Variants in CDH13 observed in about 807,000 individuals in gnomAD.
CDH13 encodes cadherin 13.
CDH13 carries 24 observed loss-of-function variants against 63.8 expected under a neutral mutation model. That is an observed-to-expected ratio of 0.38 (90% CI 0.27 to 0.53). The LOEUF is 0.53. Among genes scored for constraint, CDH13 ranks in the 20% least tolerant of loss-of-function variants. The pLI is 0.85. For missense variants in CDH13, 1,049 were observed against 903.1 expected (o/e 1.16, Z -2.07); for synonymous variants, 503 against 355.3 (o/e 1.42, Z -4.67).
At chr16:83,171,213 G>T (rs2037902558) in intron 4 of CDH13, among the ~76,000 whole-genome samples, 1 of 152,072 alleles carries the variant, frequency 6.6e-6, no homozygotes, top group African/African-American at 2.4e-5. Context: ...GCAGAACATG[G>T]CAGAAAAGGG....
chr16:83,661,048 C>CT lies in CDH13; in HGVS notation c.1102-9728dup, dbSNP rs5818462. 7.5e-3 allele frequency among the ~76,000 whole-genome samples: 1,085 copies of CT among 144,042 alleles called. 6 individuals are homozygous for CT. Among genetic ancestry groups the CT allele is most frequent in the South Asian group, 0.024 (107 of 4,534 alleles). 94.5% of individuals were successfully genotyped at this position (144,042 alleles called of 152,430 possible). A position where few individuals can be genotyped will look rare whatever the true frequency, so the allele number is the denominator to read the frequency against. On this transcript the variant is annotated intron_variant, in intron 8 of 13. Coordinates refer to ENST00000567109, the MANE Select transcript of CDH13 (RefSeq NM_001257.5). ...TTTCAAACTCTCTTTAGCAGCAAAA[C>CT]TTTTTTTTTTTTTTCAAACAAAATC...
At chr16:83,455,006 A>G (rs2072984110) in intron 6 of CDH13, among the ~76,000 whole-genome samples, 1 of 152,204 alleles carries the variant, frequency 6.6e-6, no homozygotes, top group African/African-American at 2.4e-5. Flanking sequence ...CACCATGCCC[A>G]GCTCTCTATT....
chr16:83,441,270 A>T (rs2072472607), intron 6 of CDH13, among the ~76,000 whole-genome samples: 1 of 152,180 alleles, frequency 6.6e-6, no homozygotes, highest in Non-Finnish European at 1.5e-5. Context: ...TCTGGTAATG[A>T]AATAATAAGA....
intron 6 of CDH13, among the ~76,000 whole-genome samples, chr16:83,377,121 T>A (rs1473737799): frequency 6.6e-6 from 1 of 152,044 alleles, no homozygotes. Flanking sequence ...CCCAGCTGAG[T>A]CCTTCCTGAA....
intron 3 of CDH13, among the ~76,000 whole-genome samples, chr16:83,120,888 C>T (rs550694986): frequency 9.2e-5 from 14 of 151,734 alleles, no homozygotes; most frequent in South Asian, 8.4e-4. Context: ...CTCATCCTCC[C>T]GAGTAGCTGG....
intron 5 of CDH13, among the ~76,000 whole-genome samples, chr16:83,282,743 G>T (rs138535859): frequency 1.3e-5 from 2 of 152,282 alleles, no homozygotes; most frequent in African/African-American, 4.8e-5. Context: ...TTCCTTTCCA[G>T]CAAACCTGGA....
At chr16:83,248,567 C>G (rs1004860168) in intron 5 of CDH13, among the ~76,000 whole-genome samples, 1 of 152,146 alleles carries the variant, frequency 6.6e-6, no homozygotes, top group Non-Finnish European at 1.5e-5. Context: ...TAGTACATCT[C>G]TTTTCTCTTG....
chr16:83,449,196 A>G (rs1290502704), intron 6 of CDH13, among the ~76,000 whole-genome samples: 1 of 152,194 alleles, frequency 6.6e-6, no homozygotes, highest in Non-Finnish European at 1.5e-5. Flanking sequence ...ATAATGATCT[A>G]TGATATGTCT....
intron 5 of CDH13, among the ~76,000 whole-genome samples, chr16:83,224,481 C>G (rs1475761063): frequency 6.6e-6 from 1 of 152,232 alleles, no homozygotes. Context: ...TGTTCTCAAA[C>G]CTGTGATCTT....
intron 2 of CDH13, among the ~76,000 whole-genome samples, chr16:83,008,946 G>T (rs367748603): frequency 1.4e-3 from 212 of 152,286 alleles, no homozygotes; most frequent in African/African-American, 4.7e-3. Flanking sequence ...TTCACTTGGT[G>T]GCAGGAGGAA....
At chr16:82,657,260 G>A (rs1911407042) in intron 1 of CDH13, among the ~76,000 whole-genome samples, 1 of 152,028 alleles carries the variant, frequency 6.6e-6, no homozygotes. Flanking sequence ...CCATAAAATG[G>A]AACAATTATG....
chr16:82,671,629 C>G (rs1034990459), intron 1 of CDH13, among the ~76,000 whole-genome samples: 1 of 152,158 alleles, frequency 6.6e-6, no homozygotes, highest in Non-Finnish European at 1.5e-5. Flanking sequence ...AGAGCATAGG[C>G]CACCCCAGTC....
chr16:82,824,856 G>C (rs1282062333), intron 1 of CDH13: 1 of 152,208 alleles, frequency 6.6e-6, no homozygotes, highest in Non-Finnish European at 1.5e-5. Context: ...ACAAAGACTA[G>C]ATGTTTGCTG....
chr16:83,381,872 A>C (rs562449300), intron 6 of CDH13, among the ~76,000 whole-genome samples: 8 of 152,176 alleles, frequency 5.3e-5, no homozygotes, highest in Non-Finnish European at 1.0e-4. Context: ...TGAATTCACA[A>C]GTATAAAATC....
intron 6 of CDH13, among the ~76,000 whole-genome samples, chr16:83,366,157 T>C (rs1053461596): frequency 6.6e-6 from 1 of 152,202 alleles, no homozygotes; most frequent in Non-Finnish European, 1.5e-5. Context: ...AGGGATTTTT[T>C]TAAAAAAGCA....
chr16:82,827,464 T>G (rs1378350063), intron 1 of CDH13, among the ~76,000 whole-genome samples: 1 of 152,152 alleles, frequency 6.6e-6, no homozygotes, highest in Non-Finnish European at 1.5e-5. Flanking sequence ...GAGGCTGTGA[T>G]GCATTTCATG....
At chr16:83,691,481 C>G (rs1904876491) in intron 10 of CDH13, among the ~76,000 whole-genome samples, 1 of 152,122 alleles carries the variant, frequency 6.6e-6, no homozygotes. Flanking sequence ...TGCTGTTTCA[C>G]ATGAGGCACT....
rs113109552 is a variant in CDH13, at chr16:83,408,617, C to G, written c.781+63611C>G. On this transcript the variant is annotated intron_variant, in intron 6 of 13. Transcript: ENST00000567109. ...GCTCGATTATAATCTAATGAGACAA[C>G]TTTCCTATATGTGGCCCATCATTGA... Among the ~76,000 whole-genome samples, 117 of 152,294 alleles carry G rather than the reference C, an allele frequency of 7.7e-4. 1 individual carries two copies. The highest frequency in any genetic ancestry group is 2.5e-3 in the African/African-American group (104 of 41,556).
At chr16:82,846,829 T>C (rs1206870234) in intron 1 of CDH13, among the ~76,000 whole-genome samples, 1 of 152,166 alleles carries the variant, frequency 6.6e-6, no homozygotes, top group Non-Finnish European at 1.5e-5. Context: ...CTGATGATGC[T>C]GTCATAATGG....
Sources: gnomAD v4.1 joint callset for allele counts (sites outside exome capture counted in the v4.1 genomes callset) on GRCh38, gnomAD v4.1.1 for gene constraint, MANE v1.5 for transcripts, NCBI Gene and HGNC (gene_info 2026-07-23, HGNC 2026-07-21) for gene names.